The following CTXN3 variants were observed in gnomAD, a reference collection of about 807,000 sequenced individuals.
CTXN3 encodes cortexin-3.
In CTXN3, 4 loss-of-function variants were observed where a neutral mutation model predicts 5.0. The observed-to-expected ratio is 0.79, with a 90% CI of 0.39 to 1.82. CTXN3 has a LOEUF of 1.82. Ranked by LOEUF, CTXN3 falls within the 40% of genes most tolerant of loss-of-function variation. The pLI is 0.04. For synonymous variants in CTXN3, 48 were observed against 38.6 expected, an observed-to-expected ratio of 1.24 and a Z score of -0.91; for missense variants, 89 against 99.7, an observed-to-expected ratio of 0.89 and a Z score of 0.46.
intron 2 of CTXN3, among the ~76,000 whole-genome samples, chr5:127,654,916 G>A (rs1749870925): frequency 1.3e-5 from 2 of 152,078 alleles, no homozygotes; most frequent in South Asian, 4.2e-4. Context: ...ACAGTTAATG[G>A]TCTTTTCTCT....
chr5:127,649,945 T>C (rs994228145), intron 1 of CTXN3, among the ~76,000 whole-genome samples: 3 of 152,122 alleles, frequency 2.0e-5, no homozygotes, highest in Non-Finnish European at 4.4e-5. Flanking sequence ...TTATTTGAAG[T>C]TAAAAGTTCC....
At chr5:127,656,606 G>A (rs1412831537) in intron 2 of CTXN3, among the ~76,000 whole-genome samples, 5 of 152,220 alleles carry the variant, frequency 3.3e-5, no homozygotes, top group Non-Finnish European at 5.9e-5. Context: ...TAACTTGATA[G>A]TTTGGGAGAC....
Position 127,658,034 on chromosome 5 carries a change from C to A in CTXN3, c.*267C>A. On this transcript the variant is annotated 3_prime_UTR_variant, in exon 3 of 3. Transcript: ENST00000379445. ...CTCTTAAAATTGTGTGATTGTGAAA[C>A]CAAGAGCGTTAATACTGACATAGAT... 4.6e-6 allele frequency: 2 copies of A among 431,098 alleles called. No individual in the cohort carries two copies. The highest frequency in any genetic ancestry group is 8.8e-6 in the Non-Finnish European group (2 of 227,552). The allele number at this position is 431,098 out of a possible 1,614,324, so 26.7% of individuals were successfully genotyped here. A position where few individuals can be genotyped will look rare whatever the true frequency, so the allele number is the denominator to read the frequency against.
intron 1 of CTXN3, among the ~76,000 whole-genome samples, chr5:127,650,547 C>T (rs1749764168): frequency 6.6e-6 from 1 of 152,086 alleles, no homozygotes; most frequent in Non-Finnish European, 1.5e-5. Flanking sequence ...ATCTATGAAA[C>T]ACCTAGAAAG....
chr5:127,657,750 G>C lies in CTXN3; in HGVS notation c.229G>C (p.Asp77His). 1.2e-6 allele frequency: 2 copies of C among 1,614,124 alleles called. No individual in the cohort carries two copies. Among genetic ancestry groups the C allele is most frequent in the Non-Finnish European group, 8.5e-7 (1 of 1,180,008 alleles). ...GLEGLEKGQFDHALA is the reference protein window; with the variant it reads ...GLEGLEKGQFHHALA ...TGAAGGCCTGGAGAAAGGGCAGTTCGACCATGCCCTTGCTTAGGAGGGATG... is the reference window on the plus strand; with the variant it reads ...TGAAGGCCTGGAGAAAGGGCAGTTCCACCATGCCCTTGCTTAGGAGGGATG... The change falls in exon 3 of 3, where the codon GAC becomes CAC. Residue 77 changes from aspartate (D) to histidine (H), a missense_variant. Physicochemically the swap from Asp to His is moderately conservative, Grantham distance 81. Coordinates refer to ENST00000379445, the MANE Select transcript of CTXN3 (RefSeq NM_001048252.3).
At chr5:127,656,554 A>G (rs1316219581) in intron 2 of CTXN3, among the ~76,000 whole-genome samples, 1 of 152,124 alleles carries the variant, frequency 6.6e-6, no homozygotes, top group African/African-American at 2.4e-5. Context: ...TCAAGTATTG[A>G]ACCTGGTCTT....
chr5:127,650,490 G>A (rs910979900), intron 1 of CTXN3, among the ~76,000 whole-genome samples: 2 of 152,092 alleles, frequency 1.3e-5, no homozygotes, highest in Non-Finnish European at 2.9e-5. Flanking sequence ...ATATAGAGAT[G>A]TTGCCGTGTA....
At chr5:127,653,596 A>G (rs1022130507) in intron 2 of CTXN3, 173 bp downstream of exon 2, 2 of 152,236 alleles carry the variant, frequency 1.3e-5, no homozygotes, top group Non-Finnish European at 2.9e-5. Context: ...ATTTTCTAAG[A>G]ATCATTTTTA....
chr5:127,653,178 G>C (rs1276299438), intron 1 of CTXN3, 139 bp from the exon 2 acceptor site: 3 of 152,208 alleles, frequency 2.0e-5, no homozygotes, highest in Non-Finnish European at 2.9e-5. Flanking sequence ...CAATGACTAC[G>C]CCTGCTGGGC....
At chr5:127,650,425 A>G (rs1457206408) in intron 1 of CTXN3, among the ~76,000 whole-genome samples, 1 of 152,126 alleles carries the variant, frequency 6.6e-6, no homozygotes, top group African/African-American at 2.4e-5. Context: ...CCCCCTTTGA[A>G]TTTTGAAGCA....
intron 1 of CTXN3, among the ~76,000 whole-genome samples, chr5:127,651,501 T>C (rs1214408153): frequency 4.6e-5 from 7 of 152,130 alleles, no homozygotes; most frequent in Admixed American, 4.6e-4. Context: ...GCTACCTTTT[T>C]GGTAACGATT....
At position 127,657,466 on chromosome 5, in the gene CTXN3, A is replaced by T; in HGVS notation, c.-56A>T. The T allele has an allele frequency of 6.2e-7, 1 of 1,600,472 alleles. No individual in the cohort carries two copies. The highest frequency in any genetic ancestry group is 8.5e-7 in the Non-Finnish European group (1 of 1,173,838). On this transcript the variant is annotated 5_prime_UTR_variant, in exon 3 of 3. Coordinates refer to ENST00000379445, the MANE Select transcript of CTXN3 (RefSeq NM_001048252.3). ...AGTGCAGCCACCATGACCTCCGCAG[A>T]TTGATGATGGAAGAAAAGAAAACCA...
In CTXN3 at chr5:127,658,302, A is replaced by T. The variant is rs1749963226; in HGVS notation, c.*535A>T. ...GCTTTGGGAAGCAATGGAAAAGCTT[A>T]AAAGAGATGATTCTGTCCTTGGTAA... is the stretch of plus-strand genomic sequence containing the variant. On this transcript the variant is annotated 3_prime_UTR_variant, in exon 3 of 3. Transcript: ENST00000379445. 5.9e-6 allele frequency: 1 copy of T among 168,954 alleles called. No homozygotes were observed. Among genetic ancestry groups the T allele is most frequent in the Non-Finnish European group, 1.4e-5 (1 of 69,450 alleles). 10.5% of individuals were successfully genotyped at this position (168,954 alleles called of 1,614,324 possible). A position where few individuals can be genotyped will look rare whatever the true frequency, so the allele number is the denominator to read the frequency against.
chr5:127,652,012 T>C (rs974877496), intron 1 of CTXN3, among the ~76,000 whole-genome samples: 4 of 152,180 alleles, frequency 2.6e-5, no homozygotes, highest in Non-Finnish European at 4.4e-5. Flanking sequence ...TTCAGGATAT[T>C]TTAAATGGCT....
chr5:127,654,138 T>G (rs1047028542), intron 2 of CTXN3, among the ~76,000 whole-genome samples: 2 of 152,184 alleles, frequency 1.3e-5, no homozygotes, highest in Non-Finnish European at 2.9e-5. Flanking sequence ...ATATTGCAAT[T>G]TAGTAGGAGA....
chr5:127,658,123 T>C lies in CTXN3; in HGVS notation c.*356T>C, dbSNP rs1396114320. 1.2e-5 allele frequency: 3 copies of C among 248,518 alleles called. No homozygotes were observed. The highest frequency in any genetic ancestry group is 4.6e-5 in the African/African-American group (2 of 43,432). 15.4% of individuals were successfully genotyped at this position (248,518 alleles called of 1,614,324 possible). A position where few individuals can be genotyped will look rare whatever the true frequency, so the allele number is the denominator to read the frequency against. ...ATAAAAGACTAGAAAGGATCTCATA[T>C]GAATCTGGTGACAAGGCCAGGAAGA... On this transcript the variant is annotated 3_prime_UTR_variant, in exon 3 of 3. Coordinates refer to ENST00000379445, the MANE Select transcript of CTXN3 (RefSeq NM_001048252.3).
At chr5:127,652,712 G>C (rs1749810257) in intron 1 of CTXN3, among the ~76,000 whole-genome samples, 1 of 152,172 alleles carries the variant, frequency 6.6e-6, no homozygotes, top group Admixed American at 6.5e-5. Context: ...CAAGTATTAT[G>C]AGGTAGGAAA....
chr5:127,656,587 A>G (rs1043707521), intron 2 of CTXN3, among the ~76,000 whole-genome samples: 11 of 152,140 alleles, frequency 7.2e-5, no homozygotes, highest in African/African-American at 1.4e-4. Context: ...AAAAAAGAAA[A>G]AGCAGCAGTA....
Position 127,657,877 on chromosome 5 carries a change from C to G in CTXN3, c.*110C>G. 2 of 1,313,170 alleles carry G rather than the reference C, an allele frequency of 1.5e-6. No homozygotes were observed. Among genetic ancestry groups the G allele is most frequent in the Admixed American group, 2.4e-5 (1 of 42,514 alleles). The allele number at this position is 1,313,170 out of a possible 1,614,324, so 81.3% of individuals were successfully genotyped here. On this transcript the variant is annotated 3_prime_UTR_variant, in exon 3 of 3. Transcript: ENST00000379445. ...ATCAAATTTAAACAATATTTGGTCC[C>G]AGGACCATAATCCATTATTCCATAA...
Sources: allele counts gnomAD v4.1 joint callset (sites outside exome capture counted in the v4.1 genomes callset), GRCh38; gene constraint gnomAD v4.1.1; transcripts MANE v1.5; gene names NCBI Gene and HGNC (gene_info 2026-07-23, HGNC 2026-07-21).